Variants in SPARC observed in about 807,000 individuals in gnomAD.
The protein encoded by SPARC is basement-membrane protein 40.
A neutral mutation model predicts 37.7 loss-of-function variants in SPARC; 23 were observed. The ratio of observed to expected loss-of-function variants is 0.61; its 90% CI spans 0.44 to 0.87. The LOEUF is 0.87. SPARC is among the 40% of genes least tolerant of loss of function. SPARC has a pLI of 0.00. For missense variants in SPARC, 312 were observed against 389.0 expected (o/e 0.80, Z 1.66); for synonymous variants, 155 against 150.8 (o/e 1.03, Z -0.20).
intron 4 of SPARC, chr5:151,672,753 T>C: frequency 3.9e-6 from 1 of 257,908 alleles, no homozygotes; most frequent in South Asian, 6.2e-5. Flanking sequence ...GTTCTACTTC[T>C]CTGTGGGGCA....
intron 2 of SPARC, 52 bp downstream of exon 2, chr5:151,676,079 CT>C: frequency 6.7e-7 from 1 of 1,492,178 alleles, no homozygotes; most frequent in Non-Finnish European, 9.2e-7. Context: ...CTCAGAACCC[CT>C]GGTGCTAGCG....
chr5:151,676,691 A>C (rs1581528033), intron 1 of SPARC, among the ~76,000 whole-genome samples: 1 of 152,220 alleles, frequency 6.6e-6, no homozygotes, highest in East Asian at 1.9e-4. Flanking sequence ...GCAATGCCAA[A>C]CCAGATCATC....
chr5:151,673,329 G>T, intron 3 of SPARC, 113 bp from the exon 4 acceptor site: 1 of 781,320 alleles, frequency 1.3e-6, no homozygotes, highest in South Asian at 1.4e-5. Flanking sequence ...TGGGAATCCA[G>T]ATTTAATCTA....
chr5:151,668,058 C>T (rs1032148080), intron 6 of SPARC, among the ~76,000 whole-genome samples: 2 of 152,192 alleles, frequency 1.3e-5, no homozygotes, highest in African/African-American at 2.4e-5. Context: ...ATGATTCCAA[C>T]CTGGTCTTTG....
chr5:151,674,571 G>T (rs1443687579), intron 3 of SPARC, 41 bp downstream of exon 3: 3 of 1,597,360 alleles, frequency 1.9e-6, no homozygotes, highest in Non-Finnish European at 1.7e-6. Context: ...CACAGATACA[G>T]GTAGAGAGGG....
chr5:151,673,014 G>A (rs529786766), intron 4 of SPARC, 115 bp downstream of exon 4: 30 of 773,754 alleles, frequency 3.9e-5, no homozygotes, highest in African/African-American at 3.6e-4. Context: ...ATAGCCCACT[G>A]AGGACCCCAC....
At chr5:151,666,563 A>G in intron 7 of SPARC, 54 bp from the exon 8 acceptor site, 1 of 1,555,886 alleles carries the variant, frequency 6.4e-7, no homozygotes, top group East Asian at 2.3e-5. Context: ...TGTCTGGACC[A>G]GTCGGGCCCT....
chr5:151,680,803 C>T (rs1230498595), intron 1 of SPARC, among the ~76,000 whole-genome samples: 3 of 152,180 alleles, frequency 2.0e-5, no homozygotes, highest in Non-Finnish European at 4.4e-5. Context: ...GTGATTTACA[C>T]AAGAGAATCC....
In SPARC at chr5:151,675,791, C is replaced by T. The variant is rs988867631; in HGVS notation, c.57+341G>A. ...AGCTTGAATCTCTTCTAATACCACCCCTACCAGAAATCCCCCACATCCTGT... is the reference window on the plus strand; with the variant it reads ...AGCTTGAATCTCTTCTAATACCACCTCTACCAGAAATCCCCCACATCCTGT... On this transcript the variant is annotated intron_variant, in intron 2 of 9. Transcript: ENST00000231061. 9.2e-5 allele frequency among the ~76,000 whole-genome samples: 14 copies of T among 152,276 alleles called. No homozygotes were observed. The East Asian group carries it at 2.7e-3, about 29-fold the overall frequency.
intron 9 of SPARC, 128 bp from the exon 10 acceptor site, chr5:151,663,727 G>C: frequency 1.2e-6 from 1 of 845,902 alleles, no homozygotes; most frequent in Non-Finnish European, 2.0e-6. Flanking sequence ...AGGTCACCCA[G>C]GAAGTCAGTG....
Position 151,663,978 on chromosome 5 carries a change from GGACA to G in SPARC, c.883+105_883+108del, listed in dbSNP as rs1760568480. 8 of 1,323,106 alleles carry G rather than the reference GGACA, an allele frequency of 6.0e-6. No individual in the cohort carries two copies. The Admixed American group carries it at 1.0e-4, about 17-fold the overall frequency. 82.0% of individuals were successfully genotyped at this position (1,323,106 alleles called of 1,614,324 possible). A position where few individuals can be genotyped will look rare whatever the true frequency, so the allele number is the denominator to read the frequency against. ...CAGAGAGAGCAGAGACAGGCAGAGA[GGACA>G]GACAACAGACAGACCAAGAGAGCGG... On this transcript the variant is annotated intron_variant, in intron 9 of 9. Coordinates refer to ENST00000231061, the MANE Select transcript of SPARC (RefSeq NM_003118.4).
intron 1 of SPARC, among the ~76,000 whole-genome samples, chr5:151,678,367 T>C (rs1162398551): frequency 2.6e-5 from 4 of 152,178 alleles, no homozygotes; most frequent in African/African-American, 9.7e-5. Context: ...CCTCCTCATC[T>C]TCCTGAATTC....
At position 151,683,964 on chromosome 5, in the gene SPARC, C is replaced by T. The variant is rs193067797; in HGVS notation, c.-14+2901G>A. ...CTGTTTATCTCTGCATATTTATCTA[C>T]CTACATAAACAACTTCAAAAGCCAA... On this transcript the variant is annotated intron_variant, in intron 1 of 9. Transcript: ENST00000231061. Among the ~76,000 whole-genome samples, 6 of 152,306 alleles carry T rather than the reference C, an allele frequency of 3.9e-5. No homozygotes were observed. The East Asian group carries it at 1.2e-3, about 29-fold the overall frequency.
At chr5:151,664,305 G>A (rs945872227) in intron 8 of SPARC, 70 bp from the exon 9 acceptor site, 22 of 1,461,430 alleles carry the variant, frequency 1.5e-5, no homozygotes, top group Middle Eastern at 4.1e-4. Flanking sequence ...GGAGGCAACC[G>A]GGGAGTTAGC....
At chr5:151,674,521 T>C in intron 3 of SPARC, 91 bp downstream of exon 3, 3 of 1,183,808 alleles carry the variant, frequency 2.5e-6, no homozygotes, top group Admixed American at 1.7e-5. Flanking sequence ...TGCCCCACTC[T>C]AGCATTGAGA....
In SPARC at chr5:151,676,133, GGGGCTGCCAA is replaced by G; in HGVS notation, c.46_55del (p.Ala17SerfsTer19). ...AAGACATGATATTTAGGTACTTACAGGGGCTGCCAAGGCCCTCCCGGCCAGGCAAAGGAGA... is the reference window on the plus strand; with the variant it reads ...AAGACATGATATTTAGGTACTTACAGGGCCCTCCCGGCCAGGCAAAGGAGA... On this transcript the variant is annotated frameshift_variant and splice_region_variant, in exon 2 of 10. Transcript: ENST00000231061. LOFTEE classifies it high-confidence loss of function. The G allele has an allele frequency of 6.2e-7, 1 of 1,611,106 alleles. No individual in the cohort carries two copies. Among genetic ancestry groups the G allele is most frequent in the Non-Finnish European group, 8.5e-7 (1 of 1,178,840 alleles).
rs1365035284 is a variant in SPARC at position 151,669,799 on chromosome 5, C to A, written c.331-15G>T. On this transcript the variant is annotated splice_polypyrimidine_tract_variant and intron_variant, in intron 5 of 9. Coordinates refer to ENST00000231061, the MANE Select transcript of SPARC (RefSeq NM_003118.4). ...TTGCTGCACACCTGTTGGCAAAGCACAGAGTACCCCCTCCTTCATTCCCAA... is the reference window on the plus strand; with the variant it reads ...TTGCTGCACACCTGTTGGCAAAGCAAAGAGTACCCCCTCCTTCATTCCCAA... The A allele has an allele frequency of 3.1e-6, 5 of 1,613,956 alleles. No individual in the cohort carries two copies. The highest frequency in any genetic ancestry group is 4.2e-6 in the Non-Finnish European group (5 of 1,179,904).
intron 1 of SPARC, among the ~76,000 whole-genome samples, chr5:151,685,556 G>T (rs893864923): frequency 6.6e-6 from 1 of 151,842 alleles, no homozygotes; most frequent in Non-Finnish European, 1.5e-5. Context: ...ATATTTTAGA[G>T]GACACAAAGC....
chr5:151,671,928 G>T (rs6579885), intron 4 of SPARC: 8 of 501,466 alleles, frequency 1.6e-5, no homozygotes, highest in Non-Finnish European at 2.4e-5. Flanking sequence ...AGGCACTTCT[G>T]GGGGGCTGGA....
Sources: allele counts gnomAD v4.1 joint callset (sites outside exome capture counted in the v4.1 genomes callset), GRCh38; gene constraint gnomAD v4.1.1; transcripts MANE v1.5; gene names NCBI Gene and HGNC (gene_info 2026-07-23, HGNC 2026-07-21).